Variants in ZNF251 observed in about 807,000 individuals in gnomAD.
ZNF251 encodes the protein zinc finger protein 251.
ZNF251 carries 14 observed loss-of-function variants against 13.5 expected under a neutral mutation model. The ratio of observed to expected loss-of-function variants is 1.04; its 90% CI spans 0.69 to 1.63. ZNF251 has a LOEUF of 1.63. ZNF251 is among the 40% of genes most tolerant of loss of function. The pLI is 0.00. For synonymous variants in ZNF251, 287 were observed against 295.2 expected, an observed-to-expected ratio of 0.97 and a Z score of 0.28; for missense variants, 764 against 834.9, an observed-to-expected ratio of 0.92 and a Z score of 1.05.
Position 144,727,089 on chromosome 8 carries a change from T to A in ZNF251, c.278-3707A>T, listed in dbSNP as rs556873414. Among the ~76,000 whole-genome samples, 6 of 152,142 alleles carry A rather than the reference T, an allele frequency of 3.9e-5. No homozygotes were observed. The East Asian group carries it at 1.2e-3, about 29-fold the overall frequency. ...TTTTTTAGTGAAAGAACCCAAACAT[T>A]GAAGAGTGTATGCTGTAAAATTCCA... On this transcript the variant is annotated intron_variant, in intron 4 of 4. Transcript: ENST00000292562.
intron 4 of ZNF251, among the ~76,000 whole-genome samples, chr8:144,739,274 G>T (rs779488930): frequency 2.8e-5 from 2 of 71,636 alleles, no homozygotes; most frequent in African/African-American, 1.2e-4. Context: ...ACTCCACCCC[G>T]CCAAACTAGG....
chr8:144,731,016 C>T (rs780407125), intron 4 of ZNF251, among the ~76,000 whole-genome samples: 51 of 152,174 alleles, frequency 3.4e-4, no homozygotes, highest in Non-Finnish European at 6.3e-4. Flanking sequence ...AGACTGAAGA[C>T]GGACTCTCCT....
chr8:144,737,911 A>G (rs928778369), intron 4 of ZNF251, among the ~76,000 whole-genome samples: 7 of 151,944 alleles, frequency 4.6e-5, no homozygotes, highest in African/African-American at 1.7e-4. Flanking sequence ...TGCCTTCAGT[A>G]AAATTCTTGG....
At chr8:144,743,212 A>G (rs1366979418) in intron 4 of ZNF251, among the ~76,000 whole-genome samples, 1 of 152,084 alleles carries the variant, frequency 6.6e-6, no homozygotes, top group African/African-American at 2.4e-5. Flanking sequence ...TACAGGCACC[A>G]ACCACCATGC....
chr8:144,728,768 C>CTTTG (rs1823596785), intron 4 of ZNF251, among the ~76,000 whole-genome samples: 1 of 151,478 alleles, frequency 6.6e-6, no homozygotes, highest in Admixed American at 6.6e-5. Flanking sequence ...TTGCTCAACA[C>CTTTG]AAGGTCGTCA....
intron 4 of ZNF251, among the ~76,000 whole-genome samples, chr8:144,743,771 TCTCA>T (rs1346482157): frequency 6.6e-6 from 1 of 152,152 alleles, no homozygotes; most frequent in Non-Finnish European, 1.5e-5. Flanking sequence ...TGCAGTGGAA[TCTCA>T]CTGTTTTAAT....
intron 4 of ZNF251, among the ~76,000 whole-genome samples, chr8:144,724,101 A>G (rs1823448348): frequency 6.6e-6 from 1 of 151,852 alleles, no homozygotes; most frequent in Admixed American, 6.6e-5. Flanking sequence ...AAAATTAGCC[A>G]GTCGAGGTGG....
chr8:144,755,122 G>A (rs1824897253), intron 1 of ZNF251: 5 of 1,217,524 alleles, frequency 4.1e-6, no homozygotes, highest in South Asian at 1.7e-5. Flanking sequence ...AGCCACGTGA[G>A]GGTGCAGCCT....
intron 4 of ZNF251, among the ~76,000 whole-genome samples, chr8:144,732,656 C>T (rs924578184): frequency 6.6e-6 from 1 of 151,698 alleles, no homozygotes; most frequent in Non-Finnish European, 1.5e-5. Flanking sequence ...ACTAAAAATA[C>T]AAAAAATTAG....
At chr8:144,755,230 G>A (rs1184168690) in intron 1 of ZNF251, 175 bp downstream of exon 1, 4 of 1,180,960 alleles carry the variant, frequency 3.4e-6, no homozygotes, top group East Asian at 6.8e-5. Flanking sequence ...CCTCAGTCCA[G>A]CCTTCTAGGG....
chr8:144,728,866 A>T (rs1401334041), intron 4 of ZNF251, among the ~76,000 whole-genome samples: 1 of 151,842 alleles, frequency 6.6e-6, no homozygotes, highest in Non-Finnish European at 1.5e-5. Context: ...AGGGGGGCAG[A>T]TCACCTGAGG....
Position 144,722,391 on chromosome 8 carries a change from G to C in ZNF251, c.1269C>G (p.His423Gln). 1 of 1,613,802 alleles carries C rather than the reference G, an allele frequency of 6.2e-7. No homozygotes were observed. The change falls in exon 5 of 5, where the codon CAC becomes CAG. Residue 423 changes from histidine to glutamine, a missense_variant. Transcript: ENST00000292562. This position sits in a 1 kb window ranked among gnomAD's most constrained non-coding sequence, Gnocchi z 4.8. ...GTTTTTCTCCTGTGTGAATCCTTAC[G>C]TGTTCAGTAAGATGAGAGTTAAAAC... The part of the protein sequence containing the change: ...AFGFNSHLTE[H>Q]VRIHTGEKPY...
At position 144,722,689 on chromosome 8, in the gene ZNF251, T is replaced by A; in HGVS notation, c.971A>T (p.Asn324Ile). The A allele has an allele frequency of 6.2e-7, 1 of 1,614,146 alleles. No individual in the cohort carries two copies. The highest frequency in any genetic ancestry group is 8.5e-7 in the Non-Finnish European group (1 of 1,179,992). Residue 324 changes from asparagine (N) to isoleucine (I), a missense_variant, in exon 5 of 5, where the codon AAT (asparagine) becomes ATT (isoleucine). Coordinates refer to ENST00000292562, the MANE Select transcript of ZNF251 (RefSeq NM_138367.2). This position sits in a 1 kb window ranked among gnomAD's most constrained non-coding sequence, Gnocchi z 4.8. Reference protein sequence around the residue: ...IHTGEKPYKCNECGRGFSQSP... With the variant: ...IHTGEKPYKCIECGRGFSQSP... Reference sequence around the variant, plus strand: ...CTGGCTAAAGCCTCTTCCACATTCATTACACTTGTAGGGTTTCTCTCCTGT... The same window carrying A: ...CTGGCTAAAGCCTCTTCCACATTCAATACACTTGTAGGGTTTCTCTCCTGT...
chr8:144,742,166 G>A (rs1202566640), intron 4 of ZNF251, among the ~76,000 whole-genome samples: 4 of 152,060 alleles, frequency 2.6e-5, no homozygotes, highest in African/African-American at 9.6e-5. Context: ...AAGTCAAGGA[G>A]GCCAGAAAAG....
chr8:144,733,719 C>T (rs993409416), intron 4 of ZNF251, among the ~76,000 whole-genome samples: 13 of 152,190 alleles, frequency 8.5e-5, no homozygotes, highest in African/African-American at 3.1e-4. Context: ...CTCGCGCCGA[C>T]CTCCATGTGG....
In ZNF251 at chr8:144,731,621, C is replaced by G. The variant is rs571964635; in HGVS notation, c.278-8239G>C. ...ATGCATTTTGAGACAGAGTCTTGCTCTATTGCCCAGGCTGGAGTGCAGTGG... is the reference window on the plus strand; with the variant it reads ...ATGCATTTTGAGACAGAGTCTTGCTGTATTGCCCAGGCTGGAGTGCAGTGG... On this transcript the variant is annotated intron_variant, in intron 4 of 4. Coordinates refer to ENST00000292562, the MANE Select transcript of ZNF251 (RefSeq NM_138367.2). Among the ~76,000 whole-genome samples the G allele has an allele frequency of 2.0e-5, 3 of 152,354 alleles. No homozygotes were observed. The East Asian group carries it at 5.8e-4, about 29-fold the overall frequency.
chr8:144,727,428 T>C (rs1428308074), intron 4 of ZNF251, among the ~76,000 whole-genome samples: 3 of 152,266 alleles, frequency 2.0e-5, no homozygotes, highest in Non-Finnish European at 4.4e-5. Flanking sequence ...TATTATTCAG[T>C]GTAGCCACCT....
chr8:144,734,861 G>A lies in ZNF251; in HGVS notation c.278-11479C>T, dbSNP rs968058377. ...GGCCGAGGTGGGTAGATCACCTGAG[G>A]TCAGGAGTTTGAGACCAGCCTGACC... On this transcript the variant is annotated intron_variant, in intron 4 of 4. Coordinates refer to ENST00000292562, the MANE Select transcript of ZNF251 (RefSeq NM_138367.2). This position sits in a 1 kb window ranked among gnomAD's most constrained non-coding sequence, Gnocchi z 4.4. Among the ~76,000 whole-genome samples, 15 of 151,984 alleles carry A rather than the reference G, an allele frequency of 9.9e-5. No homozygotes were observed. Among genetic ancestry groups the A allele is most frequent in the Non-Finnish European group, 2.2e-4 (15 of 67,996 alleles).
intron 1 of ZNF251, 181 bp from the exon 2 acceptor site, chr8:144,754,984 A>C: frequency 1.0e-5 from 14 of 1,397,342 alleles, no homozygotes; most frequent in Non-Finnish European, 1.3e-5. Context: ...CCAGAGCCAG[A>C]GCCCGGGGGG....
Sources: gnomAD v4.1 joint callset for allele counts (sites outside exome capture counted in the v4.1 genomes callset) on GRCh38, gnomAD v4.1.1 for gene constraint, Gnocchi (gnomAD v3.1) non-coding constraint, MANE v1.5 for transcripts, NCBI Gene and HGNC (gene_info 2026-07-23, HGNC 2026-07-21) for gene names.